MPRIP: variants seen among roughly 807,000 people sequenced by gnomAD.
MPRIP encodes the protein myosin phosphatase Rho-interacting protein.
Under a neutral mutation model 234.9 loss-of-function variants are expected in MPRIP, and 59 were observed. The ratio of observed to expected loss-of-function variants is 0.25; its 90% CI spans 0.20 to 0.31. The LOEUF (loss-of-function observed/expected upper bound fraction) is 0.31. MPRIP is among the 10% of genes least tolerant of loss of function. The probability of loss-of-function intolerance (pLI) is 1.00; values close to 1 mark genes in which losing one functional copy is unlikely to be tolerated. For synonymous variants in MPRIP, 1,144 were observed against 1,263.9 expected (o/e 0.91, Z 2.01); for missense variants, 2,436 against 3,071.0 (o/e 0.79, Z 4.89).
intron 3 of MPRIP, among the ~76,000 whole-genome samples, chr17:17,104,351 A>T (rs534425143): frequency 1.3e-5 from 2 of 152,242 alleles, no homozygotes; most frequent in African/African-American, 4.8e-5. Flanking sequence ...GTGCTGCTGC[A>T]TAGAACCTTT....
chr17:17,129,188 C>T (rs981986882), intron 4 of MPRIP, among the ~76,000 whole-genome samples: 4 of 152,264 alleles, frequency 2.6e-5, no homozygotes, highest in African/African-American at 9.6e-5. Context: ...CTCTTTTAGA[C>T]GAGGTGGGTT....
rs992295715 is a variant in MPRIP at position 17,186,730 on chromosome 17, T to G, written c.*1836T>G. 3 of 152,316 alleles carry G rather than the reference T, an allele frequency of 2.0e-5. No homozygotes were observed. Among genetic ancestry groups the G allele is most frequent in the Middle Eastern group, 6.8e-3 (2 of 294 alleles). The allele number at this position is 152,316 out of a possible 1,614,324, so 9.4% of individuals were successfully genotyped here. ...CAAGGCCCCATATCAGATATAGATA[T>G]ACTTATCAGACCCCCCCTGACCATT... On this transcript the variant is annotated 3_prime_UTR_variant, in exon 24 of 24. Transcript: ENST00000651222.
chr17:17,054,663 CT>C (rs201129229), intron 1 of MPRIP, among the ~76,000 whole-genome samples: 94 of 146,298 alleles, frequency 6.4e-4, no homozygotes, highest in Middle Eastern at 3.5e-3. Context: ...TGCAGGAATT[CT>C]TTTTTTTTTT....
chr17:17,095,948 T>C (rs972583678), intron 3 of MPRIP, among the ~76,000 whole-genome samples: 1 of 152,216 alleles, frequency 6.6e-6, no homozygotes, highest in Non-Finnish European at 1.5e-5. Context: ...ATATCTTATA[T>C]CTGCTCTTGT....
intron 3 of MPRIP, among the ~76,000 whole-genome samples, chr17:17,092,274 G>A (rs557765462): frequency 6.6e-6 from 1 of 152,334 alleles, no homozygotes; most frequent in African/African-American, 2.4e-5. Flanking sequence ...CTTTCTCATG[G>A]TCTGAGGCGT....
chr17:17,142,548 G>T, intron 7 of MPRIP, 79 bp from the exon 8 acceptor site: 1 of 1,537,806 alleles, frequency 6.5e-7, no homozygotes, highest in Non-Finnish European at 8.9e-7. Context: ...GGGCCAGGCC[G>T]GGCATGGGAG....
Position 17,165,371 on chromosome 17 carries a change from C to T in MPRIP, c.3780C>T (p.His1260=). Residue 1260 remains histidine, a synonymous_variant, in exon 16 of 24, where the codon CAC becomes CAT. Coordinates refer to ENST00000651222, the MANE Select transcript of MPRIP (RefSeq NM_001364716.4). ...QATRAPLGLP[H]TRLEDEDEDL... The stretch of plus-strand genomic sequence containing the variant: ...CTAGGGCACCTCTAGGCCTCCCACA[C>T]ACAAGGCTCGAGGATGAGGACGAGG... 1 of 1,304,190 alleles carries T rather than the reference C, an allele frequency of 7.7e-7. No homozygotes were observed. The highest frequency in any genetic ancestry group is 1.0e-6 in the Non-Finnish European group (1 of 988,978). The allele number at this position is 1,304,190 out of a possible 1,614,324, so 80.8% of individuals were successfully genotyped here. A position where few individuals can be genotyped will look rare whatever the true frequency, so the allele number is the denominator to read the frequency against.
chr17:17,159,906 C>G (rs1302490179), intron 14 of MPRIP, among the ~76,000 whole-genome samples: 2 of 152,200 alleles, frequency 1.3e-5, no homozygotes, highest in East Asian at 3.8e-4. Flanking sequence ...GAGTTACCAC[C>G]AGCACTAATA....
At chr17:17,064,201 G>GTTTTTTTTTTT (rs752475475) in intron 1 of MPRIP, among the ~76,000 whole-genome samples, 1 of 144,128 alleles carries the variant, frequency 6.9e-6, no homozygotes, top group African/African-American at 2.7e-5. Flanking sequence ...GGTTTTTTTT[G>GTTTTTTTTTTT]TTTTGTTTTT....
At chr17:17,125,925 G>A (rs913153847) in intron 3 of MPRIP, among the ~76,000 whole-genome samples, 10 of 152,186 alleles carry the variant, frequency 6.6e-5, no homozygotes, top group Non-Finnish European at 1.3e-4. Flanking sequence ...TGGTAACCAT[G>A]GCAACCCATC....
chr17:17,090,502 C>A (rs1212612886), intron 3 of MPRIP, among the ~76,000 whole-genome samples: 1 of 152,088 alleles, frequency 6.6e-6, no homozygotes, highest in Non-Finnish European at 1.5e-5. Flanking sequence ...ATGCCCAGGG[C>A]CCAGCTGAGA....
chr17:17,170,759 T>G (rs999651602), intron 16 of MPRIP: 49 of 152,196 alleles, frequency 3.2e-4, no homozygotes, highest in African/African-American at 1.2e-3. Flanking sequence ...TTGAAGGATT[T>G]AGACAGAAAG....
At chr17:17,097,830 G>C (rs1305067826) in intron 3 of MPRIP, among the ~76,000 whole-genome samples, 2 of 152,128 alleles carry the variant, frequency 1.3e-5, no homozygotes, top group Non-Finnish European at 2.9e-5. Context: ...CCCCAGATTT[G>C]TCTGACTTTT....
chr17:17,044,624 G>A (rs910957421), intron 1 of MPRIP, among the ~76,000 whole-genome samples: 1 of 152,114 alleles, frequency 6.6e-6, no homozygotes, highest in South Asian at 2.1e-4. Flanking sequence ...TAAGTTTCCT[G>A]GTTATTCTAA....
At chr17:17,175,460 A>C (rs1322102652) in intron 20 of MPRIP, 48 bp downstream of exon 20, 1 of 1,522,946 alleles carries the variant, frequency 6.6e-7, no homozygotes, top group South Asian at 1.3e-5. Context: ...GCACCCAGGA[A>C]CCCCAGGGGA....
At chr17:17,067,175 A>G (rs909852454) in intron 1 of MPRIP, among the ~76,000 whole-genome samples, 2 of 152,202 alleles carry the variant, frequency 1.3e-5, no homozygotes, top group African/African-American at 4.8e-5. Flanking sequence ...AATTTCAGCG[A>G]TAGAAGATTT....
chr17:17,140,626 T>C (rs1449038203), intron 7 of MPRIP, among the ~76,000 whole-genome samples: 2 of 152,206 alleles, frequency 1.3e-5, no homozygotes, highest in African/African-American at 2.4e-5. Flanking sequence ...GGAGCCAGAC[T>C]GCTGGGACCA....
chr17:17,042,810 T>TGCGCCG lies in MPRIP; in HGVS notation c.-38_-33dup. Reference sequence around the variant, plus strand: ...CCGGGAGCGCCAGGCCGGCCAGGCCTGCGCCGCCGCCGCCGCCGCCGTCGC... The same window carrying TGCGCCG: ...CCGGGAGCGCCAGGCCGGCCAGGCCTGCGCCGGCGCCGCCGCCGCCGCCGCCGTCGC... On this transcript the variant is annotated 5_prime_UTR_variant, in exon 1 of 24. Transcript: ENST00000651222. 1 of 1,335,062 alleles carries TGCGCCG rather than the reference T, an allele frequency of 7.5e-7. No individual in the cohort carries two copies. The highest frequency in any genetic ancestry group is 9.8e-7 in the Non-Finnish European group (1 of 1,020,856). 82.7% of individuals were successfully genotyped at this position (1,335,062 alleles called of 1,614,324 possible).
At chr17:17,176,787 G>A (rs1195961249) in intron 21 of MPRIP, among the ~76,000 whole-genome samples, 2 of 152,228 alleles carry the variant, frequency 1.3e-5, no homozygotes, top group African/African-American at 2.4e-5. Flanking sequence ...GAAAAGGCCT[G>A]TGAAGTGAGG....
Sources: gnomAD v4.1 joint callset for allele counts (sites outside exome capture counted in the v4.1 genomes callset) on GRCh38, gnomAD v4.1.1 for gene constraint, MANE v1.5 for transcripts, NCBI Gene and HGNC (gene_info 2026-07-23, HGNC 2026-07-21) for gene names.